KLHL5: variants seen among roughly 807,000 people sequenced by gnomAD.
KLHL5 encodes the protein kelch-like protein 5.
In KLHL5, 48 loss-of-function variants were observed where a neutral mutation model predicts 77.7. The observed-to-expected ratio is 0.62, with a 90% confidence interval of 0.49 to 0.79. The LOEUF (loss-of-function observed/expected upper bound fraction) is 0.79. Ranked by LOEUF, KLHL5 falls within the 30% of genes least tolerant of loss-of-function variation. The probability of loss-of-function intolerance (pLI) is 0.00; values close to 1 mark genes in which losing one functional copy is unlikely to be tolerated. For missense variants in KLHL5, 723 were observed against 859.7 expected, an observed-to-expected ratio of 0.84 and a Z score of 1.99; for synonymous variants, 260 against 297.0, an observed-to-expected ratio of 0.88 and a Z score of 1.28.
downstream of KLHL5, among the ~76,000 whole-genome samples, chr4:39,130,264 C>T (rs531733481): frequency 1.3e-3 from 196 of 152,204 alleles, 1 homozygote; most frequent in African/African-American, 4.4e-3. Context: ...TTATGGGAAA[C>T]GAAGGGATGG....
At chr4:39,119,891 C>T (rs568274519) in intron 10 of KLHL5, among the ~76,000 whole-genome samples, 3 of 151,122 alleles carry the variant, frequency 2.0e-5, no homozygotes, top group Non-Finnish European at 4.4e-5. Flanking sequence ...GAGGTCAGTT[C>T]GATAATGCTA....
chr4:39,092,699 A>G (rs1241742088), intron 5 of KLHL5, among the ~76,000 whole-genome samples: 10 of 152,262 alleles, frequency 6.6e-5, no homozygotes, highest in African/African-American at 1.9e-4. Context: ...CTAGTTTCCA[A>G]ATACCACCAA....
chr4:39,060,299 C>T (rs992540509), upstream of KLHL5, among the ~76,000 whole-genome samples: 6 of 151,998 alleles, frequency 3.9e-5, no homozygotes, highest in African/African-American at 9.7e-5. Context: ...CCAAGCTTGG[C>T]GTCAGCAATG....
At position 39,086,684 on chromosome 4, in the gene KLHL5, G is replaced by C. The variant is rs1300626901; in HGVS notation, c.1070G>C (p.Ser357Thr). 1 of 1,613,838 alleles carries C rather than the reference G, an allele frequency of 6.2e-7. No homozygotes were observed. The highest frequency in any genetic ancestry group is 8.5e-7 in the Non-Finnish European group (1 of 1,179,964). Residue 357 changes from serine to threonine, a missense_variant, in exon 5 of 11, where the codon AGT becomes ACT. Ser to Thr is a moderately conservative substitution (Grantham distance 58). Coordinates refer to ENST00000504108, the MANE Select transcript of KLHL5 (RefSeq NM_015990.5). ...TTGGAACAGAGACGGAAAGATCTAA[G>C]TAAACTTTTGGCTTATATTAGGCTA... The part of the protein sequence containing the change: ...HDLEQRRKDL[S>T]KLLAYIRLPL...
chr4:39,119,913 G>T (rs1236458719), intron 10 of KLHL5, among the ~76,000 whole-genome samples: 1 of 122,528 alleles, frequency 8.2e-6, no homozygotes, highest in African/African-American at 2.7e-5. Context: ...CAATAAGTAT[G>T]GTTTTAAAAT....
At chr4:39,069,596 T>G (rs551782771) in intron 1 of KLHL5, among the ~76,000 whole-genome samples, 11 of 148,452 alleles carry the variant, frequency 7.4e-5, no homozygotes, top group Admixed American at 2.7e-4. Flanking sequence ...AAAATAGAGA[T>G]AAGTAAAAAT....
chr4:39,115,136 C>A, intron 9 of KLHL5, 23 bp from the exon 10 acceptor site: 3 of 1,588,290 alleles, frequency 1.9e-6, no homozygotes, highest in Non-Finnish European at 2.6e-6. Context: ...AATGTCAGCT[C>A]CGGTTCTAAA....
chr4:39,058,707 GT>G (rs1717170239), upstream of KLHL5, among the ~76,000 whole-genome samples: 1 of 152,102 alleles, frequency 6.6e-6, no homozygotes, highest in African/African-American at 2.4e-5. Flanking sequence ...AATAGTATAA[GT>G]ATATACTTTT....
chr4:39,068,437 C>CTGTGTGTGTGTGTG (rs71192818), intron 1 of KLHL5, among the ~76,000 whole-genome samples: 1,672 of 147,942 alleles, frequency 0.011, 24 homozygotes, highest in African/African-American at 0.032. Context: ...CCAGAAAACA[C>CTGTGTGTGTGTGTG]TGTGTGTGTG....
At chr4:39,064,235 G>A (rs1717685477) in intron 1 of KLHL5, among the ~76,000 whole-genome samples, 1 of 151,794 alleles carries the variant, frequency 6.6e-6, no homozygotes, top group Non-Finnish European at 1.5e-5. Context: ...ATGGAGAGAG[G>A]GGAATATCTG....
At chr4:39,101,578 T>G (rs1184283649) in intron 6 of KLHL5, among the ~76,000 whole-genome samples, 1 of 152,046 alleles carries the variant, frequency 6.6e-6, no homozygotes. Flanking sequence ...CCGGGCAAAA[T>G]GGCTCATGCC....
chr4:39,113,391 G>T, intron 9 of KLHL5, 159 bp downstream of exon 9: 1 of 607,976 alleles, frequency 1.6e-6, no homozygotes, highest in South Asian at 2.1e-5. Context: ...CACAGGAAGT[G>T]ATACTTCCAG....
intron 5 of KLHL5, among the ~76,000 whole-genome samples, chr4:39,091,851 T>TTG (rs1465454880): frequency 6.3e-5 from 9 of 142,186 alleles, no homozygotes; most frequent in Admixed American, 5.6e-4. Context: ...AGTTTTTTTT[T>TTG]TTTTTTTTTT....
At chr4:39,115,588 T>C in intron 10 of KLHL5, 1 of 1,432,744 alleles carries the variant, frequency 7.0e-7, no homozygotes, top group Non-Finnish European at 9.1e-7. Context: ...TGAAGTGTTC[T>C]AGCCTGATTA....
chr4:39,050,590 A>G (rs2566114), intron 1 of KLHL5, among the ~76,000 whole-genome samples: 119,305 of 151,852 alleles, frequency 0.79, 47,033 homozygotes, highest in African/African-American at 0.85. Context: ...AGAGGCTTTA[A>G]CAATTTCAGA....
chr4:39,102,611 C>T lies in KLHL5; in HGVS notation c.1301-676C>T, dbSNP rs544686717. ...CATAATGAACATGGTTCATTATGTT[C>T]GTTATGATCCCTTTCATCTCCTGTA... On this transcript the variant is annotated intron_variant, in intron 6 of 10. Transcript: ENST00000504108. Among the ~76,000 whole-genome samples, 5 of 152,154 alleles carry T rather than the reference C, an allele frequency of 3.3e-5. No homozygotes were observed. The South Asian group carries it at 8.3e-4, about 25-fold the overall frequency.
intron 1 of KLHL5, among the ~76,000 whole-genome samples, chr4:39,068,692 A>G (rs1273334387): frequency 1.3e-5 from 2 of 152,164 alleles, no homozygotes; most frequent in Non-Finnish European, 2.9e-5. Flanking sequence ...TTAAACTCCA[A>G]ATTGTTTAAG....
At chr4:39,137,032 GT>G in the KLHL5 span, among the ~76,000 whole-genome samples, 1 of 152,162 alleles carries the variant, frequency 6.6e-6, no homozygotes, top group South Asian at 2.1e-4. Context: ...GAAAGACAAG[GT>G]TTTCACTGTT....
chr4:39,078,766 A>G (rs1407998828), intron 2 of KLHL5, among the ~76,000 whole-genome samples: 1 of 152,080 alleles, frequency 6.6e-6, no homozygotes, highest in African/African-American at 2.4e-5. Flanking sequence ...GGAAGGGAGT[A>G]AGGGATAAAA....
Sources: gnomAD v4.1 joint callset for allele counts (sites outside exome capture counted in the v4.1 genomes callset) on GRCh38, gnomAD v4.1.1 for gene constraint, MANE v1.5 for transcripts, NCBI Gene and HGNC (gene_info 2026-07-23, HGNC 2026-07-21) for gene names.